CA10: variants seen among roughly 807,000 people sequenced by gnomAD.
CA10 encodes carbonic anhydrase 10 (inactive).
In CA10, 14 loss-of-function variants were observed where a neutral mutation model predicts 44.2. The ratio of observed to expected loss-of-function variants is 0.32; its 90% CI spans 0.21 to 0.50. CA10 has a LOEUF of 0.50. Ranked by LOEUF, CA10 falls within the 20% of genes least tolerant of loss-of-function variation. The pLI is 0.99. For synonymous variants in CA10, 159 were observed against 141.6 expected (o/e 1.12, Z -0.87); for missense variants, 350 against 409.7 (o/e 0.85, Z 1.26).
chr17:51,715,371 A>T (rs953060001), intron 4 of CA10, among the ~76,000 whole-genome samples: 26 of 151,986 alleles, frequency 1.7e-4, no homozygotes, highest in Admixed American at 9.2e-4. Flanking sequence ...AATAAAATTT[A>T]AAAAAAACCA....
At chr17:51,693,648 C>T (rs1284519618) in intron 4 of CA10, among the ~76,000 whole-genome samples, 1 of 152,104 alleles carries the variant, frequency 6.6e-6, no homozygotes, top group African/African-American at 2.4e-5. Context: ...CAGCTGCATC[C>T]ATATTCCTGC....
chr17:51,718,416 G>C (rs1290701867), intron 4 of CA10, among the ~76,000 whole-genome samples: 1 of 152,118 alleles, frequency 6.6e-6, no homozygotes. Context: ...AGGTAAGGAA[G>C]CCTCCAATAA....
intron 2 of CA10, among the ~76,000 whole-genome samples, chr17:51,957,266 A>T (rs529804760): frequency 7.9e-5 from 12 of 152,188 alleles, no homozygotes; most frequent in Non-Finnish European, 1.5e-4. Context: ...GCCTTGTACC[A>T]TCTCACTTCC....
intron 3 of CA10, among the ~76,000 whole-genome samples, chr17:51,891,181 A>C (rs1217444127): frequency 2.0e-5 from 3 of 152,194 alleles, no homozygotes; most frequent in Non-Finnish European, 4.4e-5. Context: ...CTAAGGATCC[A>C]CCGGGCCAAG....
intron 1 of CA10, among the ~76,000 whole-genome samples, chr17:52,088,579 C>A (rs1175396236): frequency 6.6e-6 from 1 of 152,100 alleles, no homozygotes; most frequent in Non-Finnish European, 1.5e-5. Flanking sequence ...ACATCAAAGA[C>A]AGATTATTAC....
intron 2 of CA10, among the ~76,000 whole-genome samples, chr17:51,948,522 C>T (rs1471864521): frequency 2.0e-5 from 3 of 152,190 alleles, no homozygotes; most frequent in African/African-American, 7.2e-5. Flanking sequence ...CTCCAGAGTC[C>T]TCAACAGCAG....
chr17:51,960,315 A>AG (rs747928812), intron 2 of CA10, among the ~76,000 whole-genome samples: 2 of 152,014 alleles, frequency 1.3e-5, no homozygotes, highest in African/African-American at 2.4e-5. Flanking sequence ...AGAATCCCAG[A>AG]GGGGGCAGGT....
Position 51,962,489 on chromosome 17 carries a change from G to C in CA10, c.137-31357C>G, listed in dbSNP as rs1263860341. Among the ~76,000 whole-genome samples, 3 of 152,178 alleles carry C rather than the reference G, an allele frequency of 2.0e-5. No homozygotes were observed. In the South Asian group the frequency reaches 6.2e-4, roughly 32 times the overall value. ...GGCTCCATGGATGAGCCCATTGCTA[G>C]AGGTAGAAGCTAGAGCTTCTACTGG... On this transcript the variant is annotated intron_variant, in intron 2 of 8. Coordinates refer to ENST00000451037, the MANE Select transcript of CA10 (RefSeq NM_020178.5).
chr17:52,051,761 A>G (rs1987078252), intron 2 of CA10, among the ~76,000 whole-genome samples: 1 of 152,174 alleles, frequency 6.6e-6, no homozygotes, highest in South Asian at 2.1e-4. Context: ...CATTCAACTC[A>G]GCAGCCCCAT....
At chr17:51,845,114 C>A (rs879297945) in intron 3 of CA10, among the ~76,000 whole-genome samples, 3 of 152,164 alleles carry the variant, frequency 2.0e-5, no homozygotes, top group Non-Finnish European at 4.4e-5. Flanking sequence ...TCCCCTAGAA[C>A]CTTCAGAGGG....
intron 2 of CA10, among the ~76,000 whole-genome samples, chr17:51,983,961 A>AT (rs1335348319): frequency 1.3e-5 from 2 of 151,806 alleles, no homozygotes; most frequent in Non-Finnish European, 2.9e-5. Flanking sequence ...TTTTTGGCAA[A>AT]TATTTCCAAC....
At chr17:51,789,418 T>G (rs147051016) in intron 3 of CA10, among the ~76,000 whole-genome samples, 1 of 152,260 alleles carries the variant, frequency 6.6e-6, no homozygotes, top group Non-Finnish European at 1.5e-5. Context: ...CTGCAGCTTA[T>G]AGATGAAAGC....
At chr17:52,020,720 A>ATGCTGATG (rs1461841608) in intron 2 of CA10, among the ~76,000 whole-genome samples, 1 of 151,850 alleles carries the variant, frequency 6.6e-6, no homozygotes, top group Non-Finnish European at 1.5e-5. Flanking sequence ...ATATTGCATG[A>ATGCTGATG]TGCTGATGTT....
intron 3 of CA10, among the ~76,000 whole-genome samples, chr17:51,904,282 A>G (rs748843570): frequency 6.6e-6 from 1 of 152,060 alleles, no homozygotes; most frequent in Non-Finnish European, 1.5e-5. Context: ...CCTTTGACCA[A>G]TGTGGAGGAA....
intron 4 of CA10, among the ~76,000 whole-genome samples, chr17:51,678,823 G>A (rs1914719402): frequency 1.3e-5 from 2 of 152,158 alleles, no homozygotes; most frequent in Admixed American, 1.3e-4. Context: ...TCTCCTCCAA[G>A]TTTCTGTCTC....
At chr17:51,914,606 G>C (rs1257171078) in intron 3 of CA10, among the ~76,000 whole-genome samples, 1 of 152,118 alleles carries the variant, frequency 6.6e-6, no homozygotes, top group Non-Finnish European at 1.5e-5. Context: ...AAATATGGTG[G>C]TATCAGAGCA....
chr17:52,028,713 C>T (rs567282111), intron 2 of CA10, among the ~76,000 whole-genome samples: 4 of 152,272 alleles, frequency 2.6e-5, no homozygotes, highest in African/African-American at 7.2e-5. Context: ...CAGTGTATTG[C>T]AAAGGGCCAG....
At chr17:51,672,301 A>G (rs1200466272) in intron 4 of CA10, among the ~76,000 whole-genome samples, 1 of 152,194 alleles carries the variant, frequency 6.6e-6, no homozygotes, top group Non-Finnish European at 1.5e-5. Context: ...CTAGCGCTAT[A>G]AAGTTCCCTA....
chr17:51,950,759 T>C (rs988400040), intron 2 of CA10, among the ~76,000 whole-genome samples: 1 of 152,174 alleles, frequency 6.6e-6, no homozygotes, highest in African/African-American at 2.4e-5. Context: ...CATCTGTTTC[T>C]TCCCAAGACC....
Sources: allele counts gnomAD v4.1 joint callset (sites outside exome capture counted in the v4.1 genomes callset), GRCh38; gene constraint gnomAD v4.1.1; transcripts MANE v1.5; gene names NCBI Gene and HGNC (gene_info 2026-07-23, HGNC 2026-07-21).